DNAJC3: variants seen among roughly 807,000 people sequenced by gnomAD.
DNAJC3 encodes the protein dnaJ homolog subfamily C member 3.
Under a neutral mutation model 68.6 loss-of-function variants are expected in DNAJC3, and 38 were observed. The observed-to-expected ratio is 0.55, with a 90% CI of 0.43 to 0.73. The LOEUF (loss-of-function observed/expected upper bound fraction) is 0.73. Ranked by LOEUF, DNAJC3 falls within the 30% of genes least tolerant of loss-of-function variation. The pLI is 0.00. For missense variants in DNAJC3, 526 were observed against 591.9 expected (o/e 0.89, Z 1.16); for synonymous variants, 203 against 204.0 (o/e 1.00, Z 0.04).
At chr13:95,715,356 G>C (rs1881102551) in intron 2 of DNAJC3, among the ~76,000 whole-genome samples, 1 of 152,198 alleles carries the variant, frequency 6.6e-6, no homozygotes, top group Non-Finnish European at 1.5e-5. Flanking sequence ...TGAGCTGATG[G>C]TGCCAGTGTG....
intron 4 of DNAJC3, among the ~76,000 whole-genome samples, chr13:95,756,252 A>G (rs1268539212): frequency 6.6e-6 from 1 of 152,292 alleles, no homozygotes; most frequent in East Asian, 1.9e-4. Flanking sequence ...GGTTTATCCG[A>G]AGTATTCAAG....
intron 10 of DNAJC3, 98 bp from the exon 11 acceptor site, chr13:95,786,909 T>G: frequency 1.4e-6 from 2 of 1,420,280 alleles, no homozygotes; most frequent in Non-Finnish European, 9.5e-7. Context: ...AAACCAGTTT[T>G]GTTAATTGCC....
At chr13:95,769,832 C>G (rs1168241856) in intron 9 of DNAJC3, among the ~76,000 whole-genome samples, 1 of 152,202 alleles carries the variant, frequency 6.6e-6, no homozygotes, top group Non-Finnish European at 1.5e-5. Flanking sequence ...AGCACATTTG[C>G]TGACCATATC....
At chr13:95,741,411 A>G (rs1222869167) in intron 4 of DNAJC3, among the ~76,000 whole-genome samples, 2 of 152,036 alleles carry the variant, frequency 1.3e-5, no homozygotes, top group African/African-American at 4.8e-5. Context: ...TTTGCTGGGG[A>G]TGGGGATGTC....
At chr13:95,788,063 G>T (rs1883657205) in intron 11 of DNAJC3, among the ~76,000 whole-genome samples, 1 of 152,096 alleles carries the variant, frequency 6.6e-6, no homozygotes, top group South Asian at 2.1e-4. Context: ...GAAAGTAAAT[G>T]ATCCTTTGTT....
intron 11 of DNAJC3, among the ~76,000 whole-genome samples, chr13:95,788,526 C>A (rs569686941): frequency 2.0e-5 from 3 of 152,280 alleles, no homozygotes; most frequent in African/African-American, 4.8e-5. Flanking sequence ...TATATCAAGA[C>A]GTGTCATATT....
chr13:95,778,528 A>G (rs1883348978), intron 9 of DNAJC3, among the ~76,000 whole-genome samples: 1 of 152,258 alleles, frequency 6.6e-6, no homozygotes, highest in Non-Finnish European at 1.5e-5. Flanking sequence ...GAGGTTTTCT[A>G]ATATCTACCA....
Position 95,688,738 on chromosome 13 carries a change from G to C in DNAJC3, c.82+11401G>C, listed in dbSNP as rs533699344. 1.1e-4 allele frequency among the ~76,000 whole-genome samples: 16 copies of C among 152,224 alleles called. No individual in the cohort carries two copies. In the South Asian group the frequency reaches 3.3e-3, roughly 32 times the overall value. ...CGGGCTGGTCTTGAACTGGCTTCAA[G>C]TGATCCTCCCACCTCAGCCTCCCAA... is the stretch of plus-strand genomic sequence containing the variant. On this transcript the variant is annotated intron_variant, in intron 1 of 11. Transcript: ENST00000602402.
intron 1 of DNAJC3, among the ~76,000 whole-genome samples, chr13:95,687,379 T>C (rs932124516): frequency 2.6e-5 from 4 of 152,258 alleles, no homozygotes; most frequent in Admixed American, 2.0e-4. Context: ...TCTTGCCTGA[T>C]AACTTTAGCC....
chr13:95,763,730 T>A lies in DNAJC3; in HGVS notation c.936T>A (p.Ile312=), dbSNP rs761833302. 6.2e-7 allele frequency: 1 copy of A among 1,614,024 alleles called. No homozygotes were observed. The highest frequency in any genetic ancestry group is 1.3e-5 in the African/African-American group (1 of 75,064). The change falls in exon 8 of 12, where the codon ATT becomes ATA. Residue 312 remains isoleucine, a synonymous_variant. Transcript: ENST00000602402. ...AEYTVRSKER[I]CHCFSKDEKP... is the part of the protein sequence containing the mutation. Reference sequence around the variant, plus strand: ...ATACAGTTCGTTCAAAGGAGAGGATTTGCCACTGCTTTTCTAAGGTAACAG... The same window carrying A: ...ATACAGTTCGTTCAAAGGAGAGGATATGCCACTGCTTTTCTAAGGTAACAG...
intron 1 of DNAJC3, among the ~76,000 whole-genome samples, chr13:95,691,047 C>G (rs1305884125): frequency 7.2e-6 from 1 of 138,286 alleles, no homozygotes; most frequent in Non-Finnish European, 1.5e-5. Context: ...CTGGATGGAG[C>G]GGCTGGCCGG....
intron 9 of DNAJC3, among the ~76,000 whole-genome samples, chr13:95,772,182 T>C (rs755160926): frequency 3.3e-5 from 5 of 152,170 alleles, no homozygotes; most frequent in Non-Finnish European, 4.4e-5. Context: ...AGCACTGTTA[T>C]CACTTTTCCA....
intron 1 of DNAJC3, among the ~76,000 whole-genome samples, chr13:95,685,576 A>G (rs568566835): frequency 9.2e-5 from 14 of 152,228 alleles, no homozygotes; most frequent in African/African-American, 3.4e-4. Context: ...TGAGAACATG[A>G]TATTTTGGAG....
chr13:95,752,395 A>G (rs978792301), intron 4 of DNAJC3, among the ~76,000 whole-genome samples: 1 of 152,194 alleles, frequency 6.6e-6, no homozygotes, highest in African/African-American at 2.4e-5. Context: ...CATATTTGCA[A>G]ATTTTGTTAA....
intron 4 of DNAJC3, among the ~76,000 whole-genome samples, chr13:95,751,880 G>A (rs1882490869): frequency 6.6e-6 from 1 of 152,216 alleles, no homozygotes; most frequent in African/African-American, 2.4e-5. Context: ...AGTCAAGAGA[G>A]CATGTGCAGG....
At chr13:95,767,806 C>G (rs112620783) in intron 9 of DNAJC3, among the ~76,000 whole-genome samples, 1,700 of 151,636 alleles carry the variant, frequency 0.011, 33 homozygotes, top group African/African-American at 0.039. Flanking sequence ...TCTCCTGCCT[C>G]AGCCTCCTTA....
At position 95,735,116 on chromosome 13, in the gene DNAJC3, C is replaced by T. The variant is rs1397151439; in HGVS notation, c.393+9864C>T. Among the ~76,000 whole-genome samples the T allele has an allele frequency of 1.1e-4, 17 of 150,392 alleles. 1 individual carries two copies. The highest frequency in any genetic ancestry group is 2.4e-4 in the Non-Finnish European group (16 of 67,738). ...ATAGTTTACTGAGAATGATGATTTC[C>T]AATTTCATCCATGTCCCTACAAAGG... is the stretch of plus-strand genomic sequence containing the variant. On this transcript the variant is annotated intron_variant, in intron 4 of 11. Transcript: ENST00000602402.
intron 4 of DNAJC3, among the ~76,000 whole-genome samples, chr13:95,748,429 A>G (rs1447922316): frequency 1.3e-5 from 2 of 152,250 alleles, no homozygotes; most frequent in South Asian, 2.1e-4. Context: ...TATCTATTAT[A>G]CATCAAAATA....
In DNAJC3 at chr13:95,677,228, C is replaced by A; in HGVS notation, c.-28C>A. ...GCGTGCTGGTGGGCCACACACCTTT[C>A]CTCCTCTTCACTCGCGAGCCCTCGG... is the stretch of plus-strand genomic sequence containing the variant. On this transcript the variant is annotated 5_prime_UTR_variant, in exon 1 of 12. Transcript: ENST00000602402. The A allele has an allele frequency of 6.3e-7, 1 of 1,596,774 alleles. No individual in the cohort carries two copies. Among genetic ancestry groups the A allele is most frequent in the Non-Finnish European group, 8.5e-7 (1 of 1,173,218 alleles).
Sources: gnomAD v4.1 joint callset for allele counts (sites outside exome capture counted in the v4.1 genomes callset) on GRCh38, gnomAD v4.1.1 for gene constraint, MANE v1.5 for transcripts, NCBI Gene and HGNC (gene_info 2026-07-23, HGNC 2026-07-21) for gene names.